GZMM: variants seen among roughly 807,000 people sequenced by gnomAD.
GZMM encodes the protein HU-Met-1.
GZMM carries 23 observed loss-of-function variants against 19.2 expected under a neutral mutation model. The observed-to-expected ratio is 1.20, with a 90% confidence interval of 0.86 to 1.69. The LOEUF is 1.69. Among genes scored for constraint, GZMM ranks in the 40% most tolerant of loss-of-function variants. GZMM has a pLI of 0.00. For synonymous variants in GZMM, 178 were observed against 160.2 expected, an observed-to-expected ratio of 1.11 and a Z score of -0.84; for missense variants, 373 against 352.2, an observed-to-expected ratio of 1.06 and a Z score of -0.47.
intron 1 of GZMM, among the ~76,000 whole-genome samples, chr19:546,384 C>CA (rs1980282148): frequency 2.0e-5 from 3 of 151,258 alleles, no homozygotes. Context: ...ACTAAAAATA[C>CA]AAAAAAATTA....
intron 1 of GZMM, among the ~76,000 whole-genome samples, chr19:546,847 GAAA>G (rs748782435): frequency 1.6e-5 from 1 of 61,736 alleles, no homozygotes; most frequent in African/African-American, 4.6e-5. Flanking sequence ...CAAAAAAAAA[GAAA>G]AAAAAAGTTT....
chr19:547,267 C>T lies in GZMM; in HGVS notation c.56-13C>T, dbSNP rs759450901. ...GTAGCCCCAACCTGGCTCTTTGTCCCCCATCCTGGCAGGCAGCTCCTTTGG... is the reference window on the plus strand; with the variant it reads ...GTAGCCCCAACCTGGCTCTTTGTCCTCCATCCTGGCAGGCAGCTCCTTTGG... On this transcript the variant is annotated splice_polypyrimidine_tract_variant and intron_variant, in intron 1 of 4. Coordinates refer to ENST00000264553, the MANE Select transcript of GZMM (RefSeq NM_005317.4). 6.7e-7 allele frequency: 1 copy of T among 1,497,920 alleles called. No individual in the cohort carries two copies. Among genetic ancestry groups the T allele is most frequent in the East Asian group, 2.6e-5 (1 of 38,988 alleles). The allele number at this position is 1,497,920 out of a possible 1,614,324, so 92.8% of individuals were successfully genotyped here. A position where few individuals can be genotyped will look rare whatever the true frequency, so the allele number is the denominator to read the frequency against.
intron 1 of GZMM, among the ~76,000 whole-genome samples, chr19:544,680 T>C (rs562264816): frequency 6.6e-6 from 1 of 151,760 alleles, no homozygotes; most frequent in African/African-American, 2.4e-5. Flanking sequence ...CTCCCATTTT[T>C]ATTTCCTTCC....
intron 2 of GZMM, among the ~76,000 whole-genome samples, chr19:547,849 C>CG (rs1344612534): frequency 1.3e-5 from 2 of 152,140 alleles, no homozygotes; most frequent in Non-Finnish European, 2.9e-5. Flanking sequence ...GAGAGTGGCT[C>CG]GGGAATCGAC....
rs776715218 is a variant in GZMM at position 547,332 on chromosome 19, G to A, written c.108G>A (p.Ser36=). The A allele has an allele frequency of 1.3e-5, 20 of 1,576,408 alleles. No individual in the cohort carries two copies. The East Asian group carries it at 1.5e-4, about 12-fold the overall frequency. ...IIGGREVIPH[S]RPYMASLQRN... Reference sequence around the variant, plus strand: ...GGGGCCGGGAGGTGATCCCCCACTCGCGCCCGTACATGGCCTCACTGCAGA... The same window carrying A: ...GGGGCCGGGAGGTGATCCCCCACTCACGCCCGTACATGGCCTCACTGCAGA... The change falls in exon 2 of 5, where the codon TCG becomes TCA. Residue 36 remains serine, a synonymous_variant. Transcript: ENST00000264553.
At chr19:545,680 C>T (rs1405720502) in intron 1 of GZMM, among the ~76,000 whole-genome samples, 1 of 142,696 alleles carries the variant, frequency 7.0e-6, no homozygotes, top group African/African-American at 2.7e-5. Flanking sequence ...TTCTGCTATT[C>T]TTGCCCAGGC....
chr19:545,089 T>TC, intron 1 of GZMM, among the ~76,000 whole-genome samples: 1 of 114,398 alleles, frequency 8.7e-6, no homozygotes, highest in East Asian at 2.4e-4. Flanking sequence ...CATCATCCAT[T>TC]CCTCCTTCCA....
Position 549,864 on chromosome 19 carries a change from TGAGGACG to T in GZMM, c.*75_*81del. On this transcript the variant is annotated 3_prime_UTR_variant, in exon 5 of 5. Coordinates refer to ENST00000264553, the MANE Select transcript of GZMM (RefSeq NM_005317.4). ...CCCTCCAGGGGTGCAGTGGGGTGGG[TGAGGACG>T]GGTGGGAGGGACAGGGAGGGACCAA... 8 of 841,988 alleles carry T rather than the reference TGAGGACG, an allele frequency of 9.5e-6. No individual in the cohort carries two copies. The highest frequency in any genetic ancestry group is 9.3e-6 in the Non-Finnish European group (5 of 537,172). The allele number at this position is 841,988 out of a possible 1,614,324, so 52.2% of individuals were successfully genotyped here.
At chr19:544,869 C>T (rs962366141) in intron 1 of GZMM, among the ~76,000 whole-genome samples, 1 of 149,892 alleles carries the variant, frequency 6.7e-6, no homozygotes, top group African/African-American at 2.5e-5. Flanking sequence ...TTCGTTCCCC[C>T]TTCCTTCCCT....
At chr19:547,881 G>A (rs1980349399) in intron 2 of GZMM, among the ~76,000 whole-genome samples, 1 of 152,186 alleles carries the variant, frequency 6.6e-6, no homozygotes, top group Non-Finnish European at 1.5e-5. Flanking sequence ...GGATCAGGAA[G>A]CCGCTAAATG....
chr19:548,502 C>A (rs1424643507), intron 2 of GZMM, 40 bp from the exon 3 acceptor site: 3 of 1,605,016 alleles, frequency 1.9e-6, no homozygotes, highest in South Asian at 1.1e-5. Context: ...GTCGTCCACG[C>A]CGGGCCAGGC....
chr19:545,065 C>G (rs1244758668), intron 1 of GZMM, among the ~76,000 whole-genome samples: 2 of 146,800 alleles, frequency 1.4e-5, no homozygotes, highest in African/African-American at 5.3e-5. Context: ...CTTCCCTCCT[C>G]CCTCCCATCC....
chr19:547,165 C>A, intron 1 of GZMM, 115 bp from the exon 2 acceptor site: 1 of 988,066 alleles, frequency 1.0e-6, no homozygotes, highest in Non-Finnish European at 1.4e-6. Context: ...CTGGGGACTT[C>A]ATTAGGATGG....
chr19:548,724 A>G, intron 3 of GZMM, 47 bp downstream of exon 3: 1 of 1,550,594 alleles, frequency 6.4e-7, no homozygotes, highest in Non-Finnish European at 8.7e-7. Flanking sequence ...CCTGTCCCCC[A>G]CGGGTGCCCC....
chr19:544,487 G>A (rs971086019), intron 1 of GZMM, among the ~76,000 whole-genome samples: 8 of 152,088 alleles, frequency 5.3e-5, no homozygotes, highest in East Asian at 1.9e-4. Context: ...CTCGATCCCC[G>A]CTGGCTGCCT....
At chr19:548,111 G>C (rs1267631171) in intron 2 of GZMM, among the ~76,000 whole-genome samples, 1 of 152,194 alleles carries the variant, frequency 6.6e-6, no homozygotes, top group Non-Finnish European at 1.5e-5. Context: ...GTCTCACAAG[G>C]TGGAAAGATT....
At chr19:545,983 T>C (rs1980266258) in intron 1 of GZMM, among the ~76,000 whole-genome samples, 1 of 151,720 alleles carries the variant, frequency 6.6e-6, no homozygotes, top group African/African-American at 2.4e-5. Context: ...TTTTACCACA[T>C]TGGCCAGGCT....
At chr19:544,436 T>A (rs971086346) in intron 1 of GZMM, among the ~76,000 whole-genome samples, 1 of 151,714 alleles carries the variant, frequency 6.6e-6, no homozygotes, top group African/African-American at 2.4e-5. Context: ...GCGAAGGAGA[T>A]GCTGACCTAG....
At position 547,273 on chromosome 19, in the gene GZMM, C is replaced by T; in HGVS notation, c.56-7C>T. The T allele has an allele frequency of 6.6e-7, 1 of 1,504,470 alleles. No individual in the cohort carries two copies. Among genetic ancestry groups the T allele is most frequent in the South Asian group, 1.3e-5 (1 of 75,754 alleles). The allele number at this position is 1,504,470 out of a possible 1,614,324, so 93.2% of individuals were successfully genotyped here. A position where few individuals can be genotyped will look rare whatever the true frequency, so the allele number is the denominator to read the frequency against. ...CCAACCTGGCTCTTTGTCCCCCATC[C>T]TGGCAGGCAGCTCCTTTGGGACCCA... On this transcript the variant is annotated splice_polypyrimidine_tract_variant and splice_region_variant and intron_variant, in intron 1 of 4. Coordinates refer to ENST00000264553, the MANE Select transcript of GZMM (RefSeq NM_005317.4).
Sources: allele counts gnomAD v4.1 joint callset (sites outside exome capture counted in the v4.1 genomes callset), GRCh38; gene constraint gnomAD v4.1.1; transcripts MANE v1.5; gene names NCBI Gene and HGNC (gene_info 2026-07-23, HGNC 2026-07-21).